The following PTPRT variants were observed in gnomAD, a reference collection of about 807,000 sequenced individuals.
PTPRT encodes the protein receptor-type tyrosine-protein phosphatase T.
A neutral mutation model predicts 176.8 loss-of-function variants in PTPRT; 56 were observed. The observed-to-expected ratio is 0.32, with a 90% CI of 0.26 to 0.40. PTPRT has a LOEUF of 0.40. Among genes scored for constraint, PTPRT ranks in the 10% least tolerant of loss-of-function variants. The pLI is 1.00. For missense variants in PTPRT, 1,540 were observed against 1,908.2 expected (o/e 0.81, Z 3.60); for synonymous variants, 783 against 739.0 (o/e 1.06, Z -0.96).
At chr20:42,705,074 G>C (rs1239145283) in intron 6 of PTPRT, among the ~76,000 whole-genome samples, 1 of 152,006 alleles carries the variant, frequency 6.6e-6, no homozygotes, top group East Asian at 1.9e-4. Context: ...GCATGGTGGT[G>C]CATGCCTGTA....
chr20:43,154,278 T>A lies in PTPRT; in HGVS notation c.88+35368A>T, dbSNP rs905281160. 9.2e-5 allele frequency among the ~76,000 whole-genome samples: 14 copies of A among 152,344 alleles called. 1 individual carries two copies. Among genetic ancestry groups the A allele is most frequent in the Admixed American group, 2.6e-4 (4 of 15,302 alleles). ...CGAATACCATTTACTGGCAAGACTG[T>A]CCTTTCCCCATTGTGTGCTCTTGGC... On this transcript the variant is annotated intron_variant, in intron 1 of 30. Coordinates refer to ENST00000373187, the MANE Select transcript of PTPRT (RefSeq NM_007050.6).
chr20:42,401,590 G>C (rs2058907779), intron 9 of PTPRT, among the ~76,000 whole-genome samples: 1 of 152,096 alleles, frequency 6.6e-6, no homozygotes, highest in Non-Finnish European at 1.5e-5. Flanking sequence ...CAGAGAGCCG[G>C]AGGTGGATTC....
chr20:42,970,852 T>C (rs1244005508), intron 1 of PTPRT: 1 of 152,226 alleles, frequency 6.6e-6, no homozygotes, highest in Non-Finnish European at 1.5e-5. Context: ...TAAAATACTT[T>C]GGAGGAACTG....
At chr20:42,884,241 T>C (rs2079069454) in intron 2 of PTPRT, among the ~76,000 whole-genome samples, 1 of 152,210 alleles carries the variant, frequency 6.6e-6, no homozygotes, top group East Asian at 1.9e-4. Context: ...CAAAGTAAGG[T>C]CCCACCAGAT....
intron 1 of PTPRT, among the ~76,000 whole-genome samples, chr20:42,932,711 C>T (rs997508109): frequency 5.9e-5 from 9 of 152,180 alleles, no homozygotes; most frequent in Non-Finnish European, 1.2e-4. Flanking sequence ...CAGGCTCTGG[C>T]GGGGGCTTCA....
intron 7 of PTPRT, among the ~76,000 whole-genome samples, chr20:42,625,929 A>G (rs2074281528): frequency 1.4e-5 from 2 of 143,186 alleles, no homozygotes; most frequent in African/African-American, 5.2e-5. Flanking sequence ...GTAGAAATGG[A>G]ACTTTTGTAG....
At chr20:42,114,454 TTATAAA>T (rs1331563109) in intron 22 of PTPRT, among the ~76,000 whole-genome samples, 1 of 152,232 alleles carries the variant, frequency 6.6e-6, no homozygotes, top group Non-Finnish European at 1.5e-5. Context: ...ATGTAACATG[TTATAAA>T]TATATTTATT....
At chr20:42,852,351 T>A (rs1039845610) in intron 2 of PTPRT, among the ~76,000 whole-genome samples, 4 of 152,332 alleles carry the variant, frequency 2.6e-5, no homozygotes, top group Admixed American at 6.5e-5. Flanking sequence ...GCATTTTTTT[T>A]ATCTTCATCC....
At chr20:42,116,132 A>C in intron 21 of PTPRT, 1 of 715,248 alleles carries the variant, frequency 1.4e-6, no homozygotes, top group Non-Finnish European at 2.6e-6. Context: ...AAGAAACAAA[A>C]AACAAACAAA....
chr20:42,588,644 A>G (rs2073514656), intron 7 of PTPRT, among the ~76,000 whole-genome samples: 1 of 152,224 alleles, frequency 6.6e-6, no homozygotes, highest in South Asian at 2.1e-4. Flanking sequence ...CAAATAAAAT[A>G]TACTACTAGA....
intron 11 of PTPRT, among the ~76,000 whole-genome samples, chr20:42,342,633 G>A (rs2058129043): frequency 6.6e-6 from 1 of 152,164 alleles, no homozygotes; most frequent in African/African-American, 2.4e-5. Flanking sequence ...TCCTCTAAAT[G>A]TTCGTTTCTC....
At chr20:43,097,086 T>C (rs141636574) in intron 1 of PTPRT, among the ~76,000 whole-genome samples, 353 of 152,318 alleles carry the variant, frequency 2.3e-3, no homozygotes, top group African/African-American at 8.1e-3. Flanking sequence ...CTGATGAGCG[T>C]TGGCCTCTGC....
At chr20:42,963,198 C>CA (rs899652247) in intron 1 of PTPRT, among the ~76,000 whole-genome samples, 12 of 147,240 alleles carry the variant, frequency 8.1e-5, no homozygotes, top group East Asian at 4.0e-4. Flanking sequence ...GACTCCGTCT[C>CA]AAAAAAAAAT....
chr20:43,046,611 G>T (rs916370898), intron 1 of PTPRT, among the ~76,000 whole-genome samples: 1 of 152,050 alleles, frequency 6.6e-6, no homozygotes, highest in Non-Finnish European at 1.5e-5. Context: ...CGGGACTGAG[G>T]TCGGGCTGTG....
At chr20:42,055,630 A>G in the PTPRT span, among the ~76,000 whole-genome samples, 1 of 152,326 alleles carries the variant, frequency 6.6e-6, no homozygotes, top group Non-Finnish European at 1.5e-5. Flanking sequence ...CTACACTGAC[A>G]CACTCTTATT....
intron 1 of PTPRT, among the ~76,000 whole-genome samples, chr20:43,086,757 T>C (rs1209859172): frequency 6.6e-6 from 1 of 152,172 alleles, no homozygotes; most frequent in African/African-American, 2.4e-5. Flanking sequence ...GAATAAAACC[T>C]AGCAGGCTTA....
intron 1 of PTPRT, among the ~76,000 whole-genome samples, chr20:43,039,997 T>C (rs1287844393): frequency 1.3e-5 from 2 of 151,472 alleles, no homozygotes; most frequent in Non-Finnish European, 2.9e-5. Context: ...GCCGAGATAG[T>C]ACCGTTGCAC....
intron 9 of PTPRT, among the ~76,000 whole-genome samples, chr20:42,430,502 G>T (rs1211608595): frequency 1.3e-5 from 2 of 152,168 alleles, no homozygotes; most frequent in Non-Finnish European, 2.9e-5. Flanking sequence ...CAGCTTGAGA[G>T]GCCCAACTGC....
chr20:42,634,064 A>AAT (rs1487715231), intron 7 of PTPRT, among the ~76,000 whole-genome samples: 2 of 39,370 alleles, frequency 5.1e-5, no homozygotes, highest in South Asian at 5.6e-4. Context: ...ATAAATATAT[A>AAT]ATATATATAT....
Sources: allele counts gnomAD v4.1 joint callset (sites outside exome capture counted in the v4.1 genomes callset), GRCh38; gene constraint gnomAD v4.1.1; transcripts MANE v1.5; gene names NCBI Gene and HGNC (gene_info 2026-07-23, HGNC 2026-07-21).